The following NDUFA10 variants were observed in gnomAD, a reference collection of about 807,000 sequenced individuals.
NDUFA10 encodes the protein NADH dehydrogenase [ubiquinone] 1 alpha subcomplex subunit 10, mitochondrial.
NDUFA10 carries 40 observed loss-of-function variants against 47.8 expected under a neutral mutation model. The ratio of observed to expected loss-of-function variants is 0.84; its 90% CI spans 0.65 to 1.09. NDUFA10 has a LOEUF of 1.09. Ranked by LOEUF, NDUFA10 falls within the 50% of genes least tolerant of loss-of-function variation. NDUFA10 has a pLI of 0.00. For synonymous variants in NDUFA10, 183 were observed against 172.2 expected, an observed-to-expected ratio of 1.06 and a Z score of -0.49; for missense variants, 413 against 451.1, an observed-to-expected ratio of 0.92 and a Z score of 0.76.
chr2:239,936,824 G>A (rs538984325), intron 4 of NDUFA10, among the ~76,000 whole-genome samples: 1 of 152,188 alleles, frequency 6.6e-6, no homozygotes, highest in Non-Finnish European at 1.5e-5. Flanking sequence ...ACCGGGTGTT[G>A]CGGTGCATGC....
chr2:239,920,049 C>G (rs892163531), intron 4 of NDUFA10, among the ~76,000 whole-genome samples: 4 of 152,312 alleles, frequency 2.6e-5, no homozygotes, highest in Admixed American at 1.3e-4. Flanking sequence ...TGCTTCCCCC[C>G]CATTCATATG....
At chr2:240,017,174 C>T (rs1188618163) in intron 4 of NDUFA10, among the ~76,000 whole-genome samples, 2 of 152,318 alleles carry the variant, frequency 1.3e-5, no homozygotes, top group East Asian at 3.9e-4. Flanking sequence ...CACATCTAAC[C>T]ATGTCTCTGC....
At chr2:239,921,089 C>T (rs533945906) in intron 4 of NDUFA10, among the ~76,000 whole-genome samples, 1 of 152,136 alleles carries the variant, frequency 6.6e-6, no homozygotes, top group African/African-American at 2.4e-5. Flanking sequence ...TGTCAATCAA[C>T]CAATATTATT....
intron 9 of NDUFA10, among the ~76,000 whole-genome samples, chr2:239,986,868 C>T (rs1696023239): frequency 6.6e-6 from 1 of 152,078 alleles, no homozygotes; most frequent in Admixed American, 6.5e-5. Flanking sequence ...GTGAAGACAC[C>T]ACCTTAACAA....
intron 4 of NDUFA10, among the ~76,000 whole-genome samples, chr2:239,934,294 G>T (rs1694224776): frequency 6.6e-6 from 1 of 152,152 alleles, no homozygotes; most frequent in African/African-American, 2.4e-5. Context: ...CAGAGTCACT[G>T]CCATGTTGGG....
intron 4 of NDUFA10, among the ~76,000 whole-genome samples, chr2:239,947,725 GCAACAGGCCAGCCCAGCTC>G (rs1280431556): frequency 7.2e-5 from 11 of 152,218 alleles, no homozygotes; most frequent in Admixed American, 1.3e-4. Context: ...CAAAGACTAT[GCAACAGGCCAGCCCAGCTC>G]TTGTTGCCAG....
chr2:239,964,412 G>A (rs897353596), intron 9 of NDUFA10, among the ~76,000 whole-genome samples: 11 of 152,312 alleles, frequency 7.2e-5, no homozygotes, highest in African/African-American at 2.4e-4. Context: ...AGCCCCGCCT[G>A]CACCGTGATT....
chr2:239,895,216 C>T (rs1203621772), exon 5 of NDUFA10: 1 of 463,832 alleles, frequency 2.2e-6, no homozygotes, highest in East Asian at 7.1e-5. Context: ...TATTCCCAGG[C>T]ACTTAGGAGT....
chr2:239,952,136 G>A (rs1367409554), intron 4 of NDUFA10, among the ~76,000 whole-genome samples: 5 of 152,164 alleles, frequency 3.3e-5, no homozygotes, highest in African/African-American at 1.2e-4. Flanking sequence ...CTCGCAGAGG[G>A]CAGACAGCCT....
chr2:239,985,867 C>A lies in NDUFA10; in HGVS notation c.999+4207G>T, dbSNP rs369965577. Among the ~76,000 whole-genome samples, 120 of 145,610 alleles carry A rather than the reference C, an allele frequency of 8.2e-4. 2 individuals carry two copies. The South Asian group carries it at 0.014, about 18-fold the overall frequency. On this transcript the variant is annotated intron_variant, in intron 9 of 9. Transcript: ENST00000252711. ...CAGAGGTTGCAATGAGCTGAGATCA[C>A]ACCACTGCACTCCAGCCTGGGTGAC...
chr2:239,904,301 G>A lies in NDUFA10; in HGVS notation c.295-8987C>T, dbSNP rs550441799. 6.8e-3 allele frequency among the ~76,000 whole-genome samples: 1,028 copies of A among 151,826 alleles called. 5 individuals are homozygous for A. Among genetic ancestry groups the A allele is most frequent in the Non-Finnish European group, 1.0e-2 (679 of 67,940 alleles). On this transcript the variant is annotated intron_variant, in intron 4 of 5. Coordinates refer to the NDUFA10 transcript ENST00000419408. ...TTAGTTATTTATTATTTATTTATTC[G>A]TTATACATATTTTTTAGACGTAGTC...
At chr2:239,973,768 CA>C in intron 9 of NDUFA10, 1 of 377,532 alleles carries the variant, frequency 2.6e-6, no homozygotes, top group Non-Finnish European at 5.4e-6. Flanking sequence ...AAAAAATCAG[CA>C]GCCTGTCCTG....
chr2:239,975,572 G>C (rs1227925613), intron 9 of NDUFA10, among the ~76,000 whole-genome samples: 1 of 152,212 alleles, frequency 6.6e-6, no homozygotes, highest in Non-Finnish European at 1.5e-5. Context: ...GAATAATAGT[G>C]TCTTCTTGTG....
intron 4 of NDUFA10, among the ~76,000 whole-genome samples, chr2:239,919,636 C>T (rs897882886): frequency 6.6e-6 from 1 of 152,200 alleles, no homozygotes; most frequent in Non-Finnish European, 1.5e-5. Context: ...ATTCTTCCTA[C>T]AGTAATCCAA....
chr2:239,926,132 C>T (rs1295395731), intron 4 of NDUFA10, among the ~76,000 whole-genome samples: 1 of 152,210 alleles, frequency 6.6e-6, no homozygotes, highest in Admixed American at 6.5e-5. Context: ...CCAGCAATTA[C>T]ACTTCTGGGC....
chr2:240,009,623 T>C (rs888901607), intron 6 of NDUFA10, among the ~76,000 whole-genome samples: 1 of 152,240 alleles, frequency 6.6e-6, no homozygotes, highest in African/African-American at 2.4e-5. Flanking sequence ...AGCATCACCA[T>C]GTATCAGCAC....
intron 4 of NDUFA10, among the ~76,000 whole-genome samples, chr2:239,947,975 G>T (rs1362095447): frequency 6.6e-6 from 1 of 152,210 alleles, no homozygotes; most frequent in East Asian, 1.9e-4. Flanking sequence ...TGCATAGGTG[G>T]CCCTGCCCTT....
chr2:239,987,696 C>T lies in NDUFA10; in HGVS notation c.999+2378G>A, dbSNP rs1696054969. Among the ~76,000 whole-genome samples, 1 of 152,150 alleles carries T rather than the reference C, an allele frequency of 6.6e-6. No homozygotes were observed. The highest frequency in any genetic ancestry group is 6.5e-5 in the Admixed American group (1 of 15,276). ...GGCAGAAGGCCAAGGATGCTACATG[C>T]AGGCGCAGCGCCCAGGGAAGGGGTG... is the stretch of plus-strand genomic sequence containing the variant. On this transcript the variant is annotated intron_variant, in intron 9 of 9. Coordinates refer to ENST00000252711, the MANE Select transcript of NDUFA10 (RefSeq NM_004544.4). The surrounding 1 kb of genome is among the most constrained non-coding windows in gnomAD (Gnocchi z 4.8).
intron 4 of NDUFA10, among the ~76,000 whole-genome samples, chr2:239,940,139 G>A (rs540378255): frequency 4.6e-5 from 7 of 152,364 alleles, no homozygotes; most frequent in East Asian, 3.9e-4. Context: ...CATCACATCC[G>A]GCTTTGCAGG....
Sources: allele counts gnomAD v4.1 joint callset (sites outside exome capture counted in the v4.1 genomes callset), GRCh38; gene constraint gnomAD v4.1.1; non-coding constraint Gnocchi (gnomAD v3.1); transcripts MANE v1.5; gene names NCBI Gene and HGNC (gene_info 2026-07-23, HGNC 2026-07-21).